Variants in BICD1 observed in about 807,000 individuals in gnomAD.
The protein encoded by BICD1 is BICD cargo adaptor 1.
Under a neutral mutation model 92.5 loss-of-function variants are expected in BICD1, and 35 were observed. The observed-to-expected ratio is 0.38, with a 90% confidence interval of 0.29 to 0.50. The LOEUF (loss-of-function observed/expected upper bound fraction) is 0.50, where lower values mean the gene tolerates loss of function less well. BICD1 is among the 20% of genes least tolerant of loss of function. The pLI, the probability that BICD1 is intolerant of heterozygous loss-of-function variation, is 0.93. For synonymous variants in BICD1, 429 were observed against 465.1 expected (o/e 0.92, Z 1.00); for missense variants, 950 against 1,189.8 (o/e 0.80, Z 2.97).
chr12:32,279,170 A>G (rs1303377630), intron 2 of BICD1, among the ~76,000 whole-genome samples: 1 of 152,246 alleles, frequency 6.6e-6, no homozygotes, highest in Non-Finnish European at 1.5e-5. Flanking sequence ...AGGCAAATCT[A>G]TAAAGATAGA....
In BICD1 at chr12:32,294,148, T is replaced by C. The variant is rs1442271304; in HGVS notation, c.579+2T>C. 2 of 1,589,296 alleles carry C rather than the reference T, an allele frequency of 1.3e-6. No individual in the cohort carries two copies. Among genetic ancestry groups the C allele is most frequent in the South Asian group, 1.2e-5 (1 of 86,220 alleles). ...GTGTCCACGTTGAAGCAGAACCAGGTAAGGTTTAAGAAATTTTTTGTTATA... is the reference window on the plus strand; with the variant it reads ...GTGTCCACGTTGAAGCAGAACCAGGCAAGGTTTAAGAAATTTTTTGTTATA... On this transcript the variant is annotated splice_donor_variant, in intron 3 of 9. Coordinates refer to ENST00000652176, the MANE Select transcript of BICD1 (RefSeq NM_001714.4). LOFTEE classifies it high-confidence loss of function.
intron 1 of BICD1, among the ~76,000 whole-genome samples, chr12:32,127,852 A>G (rs193232321): frequency 1.3e-5 from 2 of 151,644 alleles, no homozygotes; most frequent in Admixed American, 6.6e-5. Context: ...CAGCAAGGGA[A>G]CTCAATTGTC....
intron 1 of BICD1, among the ~76,000 whole-genome samples, chr12:32,135,852 C>T (rs750156854): frequency 6.6e-6 from 1 of 152,078 alleles, no homozygotes; most frequent in Non-Finnish European, 1.5e-5. Flanking sequence ...CTGACACCCT[C>T]CTTCCCTTCT....
At position 32,235,859 on chromosome 12, in the gene BICD1, C is replaced by G. The variant is rs745790632; in HGVS notation, c.426+19400C>G. Among the ~76,000 whole-genome samples the G allele has an allele frequency of 7.3e-4, 111 of 151,674 alleles. 1 individual carries two copies. The Middle Eastern group carries it at 0.014, about 19-fold the overall frequency. On this transcript the variant is annotated intron_variant, in intron 2 of 9. Coordinates refer to ENST00000652176, the MANE Select transcript of BICD1 (RefSeq NM_001714.4). ...GGGACTATAGGTGCATGCCACCACACCCAGCTAATTTTTTTGTATTTTTAG... is the reference window on the plus strand; with the variant it reads ...GGGACTATAGGTGCATGCCACCACAGCCAGCTAATTTTTTTGTATTTTTAG...
intron 2 of BICD1, among the ~76,000 whole-genome samples, chr12:32,221,649 C>G (rs961545367): frequency 1.3e-5 from 2 of 151,464 alleles, no homozygotes; most frequent in African/African-American, 4.8e-5. Flanking sequence ...CCACTGTACT[C>G]CAGCCTGGCG....
At chr12:32,302,468 G>C (rs969435838) in intron 3 of BICD1, among the ~76,000 whole-genome samples, 1 of 152,198 alleles carries the variant, frequency 6.6e-6, no homozygotes, top group Non-Finnish European at 1.5e-5. Flanking sequence ...TGAGCAGGTA[G>C]TAGATAGCCA....
intron 2 of BICD1, among the ~76,000 whole-genome samples, chr12:32,233,338 AAAG>A (rs59166766): frequency 0.046 from 6,982 of 151,210 alleles, 296 homozygotes; most frequent in East Asian, 0.2. Flanking sequence ...AAAAAAAAAA[AAAG>A]TAGGCTTACA....
Position 32,107,427 on chromosome 12 carries a change from C to T in BICD1, c.96C>T (p.Ile32=). The part of the protein sequence containing the change: ...KELTETTHEK[I]QAAEYGLVVL... ...TCACGGAGACCACCCACGAGAAGAT[C>T]CAGGCTGCCGAGTACGGGCTGGTGG... Residue 32 remains isoleucine (I), a synonymous_variant, in exon 1 of 10, where the codon ATC becomes ATT. Transcript: ENST00000652176. 6.2e-7 allele frequency: 1 copy of T among 1,612,176 alleles called. No individual in the cohort carries two copies. The highest frequency in any genetic ancestry group is 8.5e-7 in the Non-Finnish European group (1 of 1,179,334).
At chr12:32,220,044 A>G (rs1945469958) in intron 2 of BICD1, among the ~76,000 whole-genome samples, 1 of 152,240 alleles carries the variant, frequency 6.6e-6, no homozygotes, top group African/African-American at 2.4e-5. Flanking sequence ...AGCCATATGT[A>G]GAAAGCTGAA....
Position 32,216,347 on chromosome 12 carries a change from A to G in BICD1, c.314A>G (p.Tyr105Cys). Residue 105 changes from tyrosine to cysteine, a missense_variant, in exon 2 of 10, where the codon TAT (tyrosine) becomes TGT (cysteine). Physicochemically the swap from Tyr to Cys is radical, Grantham distance 194. Transcript: ENST00000652176. Reference sequence around the variant, plus strand: ...GAGTCAGCATCGAAGGAGGCTTACTATCTGGGGAAGATCTTGGAGATGCAG... The same window carrying G: ...GAGTCAGCATCGAAGGAGGCTTACTGTCTGGGGAAGATCTTGGAGATGCAG... ...LQESASKEAY[Y>C]LGKILEMQNE... 1 of 1,614,214 alleles carries G rather than the reference A, an allele frequency of 6.2e-7. No individual in the cohort carries two copies. Among genetic ancestry groups the G allele is most frequent in the Non-Finnish European group, 8.5e-7 (1 of 1,180,044 alleles).
chr12:32,342,122 A>ATG (rs1938389152), intron 8 of BICD1, among the ~76,000 whole-genome samples: 3 of 137,934 alleles, frequency 2.2e-5, no homozygotes, highest in African/African-American at 7.5e-5. Flanking sequence ...TTTTACATAT[A>ATG]TATGTATATA....
At chr12:32,142,456 A>ATCTATCTATCCTATCTATCTATCTG in intron 1 of BICD1, among the ~76,000 whole-genome samples, 1 of 55,700 alleles carries the variant, frequency 1.8e-5, no homozygotes, top group Admixed American at 2.4e-4. Flanking sequence ...TATCTATCCT[A>ATCTATCTATCCTATCTATCTATCTG]TCTATCTATC....
intron 1 of BICD1, among the ~76,000 whole-genome samples, chr12:32,154,532 G>T (rs1333897999): frequency 2.0e-5 from 3 of 152,196 alleles, no homozygotes; most frequent in Non-Finnish European, 4.4e-5. Flanking sequence ...TGAGCAGCCA[G>T]TGTCTCCTTA....
chr12:32,320,739 G>C (rs975550972), intron 4 of BICD1, among the ~76,000 whole-genome samples: 1 of 152,126 alleles, frequency 6.6e-6, no homozygotes, highest in East Asian at 1.9e-4. Flanking sequence ...GTAAACATAT[G>C]TTGTATACTT....
At chr12:32,306,454 C>T (rs1248448568) in intron 4 of BICD1, among the ~76,000 whole-genome samples, 3 of 152,036 alleles carry the variant, frequency 2.0e-5, no homozygotes, top group South Asian at 2.1e-4. Context: ...CCGTATTAGC[C>T]AGGATGGTCT....
intron 2 of BICD1, among the ~76,000 whole-genome samples, chr12:32,244,909 G>C (rs1206602292): frequency 2.0e-5 from 3 of 152,146 alleles, no homozygotes; most frequent in African/African-American, 7.2e-5. Flanking sequence ...TTACAGGTGT[G>C]AGCCACCATG....
At chr12:32,373,594 C>T (rs775752149) in intron 9 of BICD1, among the ~76,000 whole-genome samples, 10 of 152,038 alleles carry the variant, frequency 6.6e-5, no homozygotes, top group Non-Finnish European at 1.3e-4. Flanking sequence ...GTATTGGGGC[C>T]AGGTGCAGCG....
At chr12:32,307,528 T>A (rs1948262879) in intron 4 of BICD1, among the ~76,000 whole-genome samples, 1 of 152,228 alleles carries the variant, frequency 6.6e-6, no homozygotes, top group Non-Finnish European at 1.5e-5. Flanking sequence ...TATAACAAGC[T>A]TGTTAAGTGA....
chr12:32,108,986 A>C (rs943389516), intron 1 of BICD1: 3 of 295,730 alleles, frequency 1.0e-5, no homozygotes, highest in Non-Finnish European at 1.9e-5. Flanking sequence ...TCATTCTCAG[A>C]GATGTTTTGA....
Sources: gnomAD v4.1 joint callset for allele counts (sites outside exome capture counted in the v4.1 genomes callset) on GRCh38, gnomAD v4.1.1 for gene constraint, MANE v1.5 for transcripts, NCBI Gene and HGNC (gene_info 2026-07-23, HGNC 2026-07-21) for gene names.